Variants in TAOK1 observed in about 807,000 individuals in gnomAD.
The protein encoded by TAOK1 is TAO kinase 1.
A neutral mutation model predicts 138.3 loss-of-function variants in TAOK1; 21 were observed. That is an observed-to-expected ratio of 0.15 (90% CI 0.11 to 0.22). TAOK1 has a LOEUF of 0.22. TAOK1 is among the 10% of genes least tolerant of loss of function. The pLI, the probability that TAOK1 is intolerant of heterozygous loss-of-function variation, is 1.00. For synonymous variants in TAOK1, 361 were observed against 398.4 expected, an observed-to-expected ratio of 0.91 and a Z score of 1.12; for missense variants, 651 against 1,227.7, an observed-to-expected ratio of 0.53 and a Z score of 7.02.
intron 1 of TAOK1, among the ~76,000 whole-genome samples, chr17:29,444,545 A>G (rs929714819): frequency 6.6e-6 from 1 of 152,198 alleles, no homozygotes; most frequent in Non-Finnish European, 1.5e-5. Context: ...CCTGTCTTCT[A>G]ACAATCCAAA....
intron 14 of TAOK1, among the ~76,000 whole-genome samples, chr17:29,510,521 A>G (rs561330365): frequency 6.6e-6 from 1 of 152,234 alleles, no homozygotes; most frequent in Admixed American, 6.5e-5. Flanking sequence ...CATGTATTGC[A>G]TATAGAATCA....
At position 29,478,448 on chromosome 17, in the gene TAOK1, T is replaced by C. The variant is rs532195790; in HGVS notation, c.449+101T>C. On this transcript the variant is annotated intron_variant, in intron 6 of 19. Transcript: ENST00000261716. Reference sequence around the variant, plus strand: ...AAAGTTTTTATTGGTTAAAGCCAAATAAAATAATATAAGCTCATATTTTTT... The same window carrying C: ...AAAGTTTTTATTGGTTAAAGCCAAACAAAATAATATAAGCTCATATTTTTT... The C allele has an allele frequency of 3.0e-4, 217 of 721,438 alleles. 2 individuals are homozygous for C. In the South Asian group the frequency reaches 4.8e-3, roughly 16 times the overall value. The allele number at this position is 721,438 out of a possible 1,614,324, so 44.7% of individuals were successfully genotyped here. A position where few individuals can be genotyped will look rare whatever the true frequency, so the allele number is the denominator to read the frequency against.
intron 1 of TAOK1, among the ~76,000 whole-genome samples, chr17:29,435,104 C>T (rs1290813211): frequency 6.6e-6 from 1 of 150,410 alleles, no homozygotes; most frequent in Non-Finnish European, 1.5e-5. Flanking sequence ...CTATGTATTC[C>T]CATCACCTGG....
At chr17:29,541,493 A>G (rs2032316112) in intron 19 of TAOK1, among the ~76,000 whole-genome samples, 1 of 152,040 alleles carries the variant, frequency 6.6e-6, no homozygotes, top group African/African-American at 2.4e-5. Flanking sequence ...ATGCATGTCT[A>G]AATTTCCCCT....
At chr17:29,423,203 G>A (rs1905511472) in intron 1 of TAOK1, among the ~76,000 whole-genome samples, 1 of 115,086 alleles carries the variant, frequency 8.7e-6, no homozygotes, top group Non-Finnish European at 1.8e-5. Context: ...TTATATTTTG[G>A]TACTAAATCT....
At chr17:29,408,738 A>C (rs1296258254) in intron 1 of TAOK1, among the ~76,000 whole-genome samples, 1 of 150,128 alleles carries the variant, frequency 6.7e-6, no homozygotes, top group African/African-American at 2.5e-5. Flanking sequence ...TTGGAGATGG[A>C]GTCTCACTGT....
At chr17:29,465,371 C>G (rs556569611) in intron 2 of TAOK1, among the ~76,000 whole-genome samples, 1 of 151,682 alleles carries the variant, frequency 6.6e-6, no homozygotes, top group African/African-American at 2.4e-5. Flanking sequence ...AGGCTGGTCT[C>G]GGACTCCTGA....
At chr17:29,446,748 T>TC (rs996712660) in intron 1 of TAOK1, among the ~76,000 whole-genome samples, 28 of 150,954 alleles carry the variant, frequency 1.9e-4, no homozygotes, top group Admixed American at 5.3e-4. Flanking sequence ...TTTTTTTTTT[T>TC]TTTTTTTGAG....
At chr17:29,505,461 C>T (rs962093546) in intron 13 of TAOK1, among the ~76,000 whole-genome samples, 6 of 151,960 alleles carry the variant, frequency 3.9e-5, no homozygotes, top group Admixed American at 6.6e-5. Context: ...CAGCACTTTG[C>T]GAGGCCAAGG....
At position 29,550,399 on chromosome 17, in the gene TAOK1, A is replaced by G. The variant is rs2032470705; in HGVS notation, c.*7377A>G. The G allele has an allele frequency of 2.0e-5, 3 of 152,196 alleles. No homozygotes were observed. The highest frequency in any genetic ancestry group is 4.4e-5 in the Non-Finnish European group (3 of 68,020). The allele number at this position is 152,196 out of a possible 1,614,324, so 9.4% of individuals were successfully genotyped here. ...TAAATTCTATTTATGTAAGTCTGCT[A>G]AAGTTTTTTAGCCCACTTAAAACTT... On this transcript the variant is annotated 3_prime_UTR_variant, in exon 20 of 20. Transcript: ENST00000261716.
intron 19 of TAOK1, among the ~76,000 whole-genome samples, chr17:29,539,546 C>T (rs113591381): frequency 2.0e-5 from 3 of 152,282 alleles, no homozygotes; most frequent in African/African-American, 7.2e-5. Flanking sequence ...AAGCAATTCT[C>T]CTGCTTCAGC....
intron 1 of TAOK1, among the ~76,000 whole-genome samples, chr17:29,443,248 A>G (rs2029992224): frequency 6.6e-6 from 1 of 152,226 alleles, no homozygotes; most frequent in African/African-American, 2.4e-5. Context: ...ATGGAATACT[A>G]TGACATTATC....
At chr17:29,470,198 G>C (rs1057420916) in intron 3 of TAOK1, among the ~76,000 whole-genome samples, 1 of 152,184 alleles carries the variant, frequency 6.6e-6, no homozygotes, top group Non-Finnish European at 1.5e-5. Flanking sequence ...TGCTTCTTAA[G>C]AGTAACTATG....
At chr17:29,502,558 A>C in intron 12 of TAOK1, 31 bp from the exon 13 acceptor site, 2 of 1,591,304 alleles carry the variant, frequency 1.3e-6, no homozygotes, top group Non-Finnish European at 1.7e-6. Context: ...TGTTCACCTT[A>C]CATAATATTG....
In TAOK1 at chr17:29,390,535, C is replaced by T. The variant is rs1208890506; in HGVS notation, c.-584C>T. 6.6e-6 allele frequency: 1 copy of T among 152,616 alleles called. No homozygotes were observed. Among genetic ancestry groups the T allele is most frequent in the Non-Finnish European group, 1.5e-5 (1 of 68,450 alleles). 9.5% of individuals were successfully genotyped at this position (152,616 alleles called of 1,614,324 possible). A position where few individuals can be genotyped will look rare whatever the true frequency, so the allele number is the denominator to read the frequency against. Reference sequence around the variant, plus strand: ...CGCGAACATCTGAGGCCTCCCGGCCCCGGGGGACCCCGCCCCGCCGTCCGC... The same window carrying T: ...CGCGAACATCTGAGGCCTCCCGGCCTCGGGGGACCCCGCCCCGCCGTCCGC... On this transcript the variant is annotated 5_prime_UTR_variant, in exon 1 of 20. Coordinates refer to ENST00000261716, the MANE Select transcript of TAOK1 (RefSeq NM_020791.4).
intron 1 of TAOK1, among the ~76,000 whole-genome samples, chr17:29,445,149 G>C (rs1253870718): frequency 2.6e-5 from 4 of 152,092 alleles, no homozygotes; most frequent in African/African-American, 9.7e-5. Context: ...TACATAGTAG[G>C]TTTATATATT....
At chr17:29,422,801 G>A (rs1420434457) in intron 1 of TAOK1, among the ~76,000 whole-genome samples, 3 of 152,130 alleles carry the variant, frequency 2.0e-5, no homozygotes, top group Admixed American at 1.3e-4. Context: ...AGAGGTGGGT[G>A]AATCACGAGG....
At chr17:29,529,384 G>A (rs2032066053) in intron 17 of TAOK1, among the ~76,000 whole-genome samples, 3 of 152,128 alleles carry the variant, frequency 2.0e-5, no homozygotes. Flanking sequence ...GAGGCCAGGA[G>A]TTTGGAACCA....
chr17:29,451,708 A>C, intron 2 of TAOK1, 28 bp downstream of exon 2: 1 of 1,600,294 alleles, frequency 6.2e-7, no homozygotes, highest in South Asian at 1.1e-5. Context: ...GATGTCAGTG[A>C]CTAAAATTTA....
Sources: allele counts gnomAD v4.1 joint callset (sites outside exome capture counted in the v4.1 genomes callset), GRCh38; gene constraint gnomAD v4.1.1; transcripts MANE v1.5; gene names NCBI Gene and HGNC (gene_info 2026-07-23, HGNC 2026-07-21).